Variants in MAGT1 observed in about 807,000 individuals in gnomAD.
MAGT1 encodes dolichyl-diphosphooligosaccharide--protein glycosyltransferase subunit MAGT1.
MAGT1 carries 4 observed loss-of-function variants against 28.4 expected under a neutral mutation model. The ratio of observed to expected loss-of-function variants is 0.14; its 90% CI spans 0.07 to 0.32. MAGT1 has a LOEUF of 0.32. MAGT1 is among the 10% of genes least tolerant of loss of function. MAGT1 has a pLI of 1.00. For missense variants in MAGT1, 193 were observed against 264.5 expected, an observed-to-expected ratio of 0.73 and a Z score of 1.88; for synonymous variants, 89 against 89.7, an observed-to-expected ratio of 0.99 and a Z score of 0.04.
At chrX:77,884,811 G>A (rs1313680601) in intron 1 of MAGT1, among the ~76,000 whole-genome samples, 6 of 108,341 alleles carry the variant, frequency 5.5e-5, no homozygotes, top group Non-Finnish European at 7.6e-5. Context: ...AAGGCCGGGC[G>A]CAGTGGCTCA....
intron 6 of MAGT1, among the ~76,000 whole-genome samples, chrX:77,855,028 G>A (rs146580009): frequency 0.017 from 1,896 of 111,633 alleles, 44 homozygotes; most frequent in African/African-American, 0.059. Flanking sequence ...CACTGCGGCC[G>A]GGTGCGGTGG....
At chrX:77,830,755 T>C (rs782816544) in intron 9 of MAGT1, 50 bp downstream of exon 9, 1 of 686,636 alleles carries the variant, frequency 1.5e-6, no homozygotes, top group Non-Finnish European at 2.2e-6. Flanking sequence ...TCAACTCTAA[T>C]CATTCCAGGT....
intron 1 of MAGT1, among the ~76,000 whole-genome samples, chrX:77,893,141 C>T (rs2077088483): frequency 9.0e-6 from 1 of 111,613 alleles, no homozygotes; most frequent in Non-Finnish European, 1.9e-5. Flanking sequence ...GTGTAAGAGG[C>T]CCTGTCTCCA....
In MAGT1 at chrX:77,830,760, C is replaced by T. The variant is rs184963094; in HGVS notation, c.992+45G>A. The T allele has an allele frequency of 0.015, 10,765 of 711,725 alleles. 86 individuals are homozygous for T. Among genetic ancestry groups the T allele is most frequent in the Non-Finnish European group, 0.019 (9,052 of 475,556 alleles). 58.7% of individuals were successfully genotyped at this position (711,725 alleles called of 1,213,427 possible). A position where few individuals can be genotyped will look rare whatever the true frequency, so the allele number is the denominator to read the frequency against. The stretch of plus-strand genomic sequence containing the variant: ...TAAAGCAATATCAACTCTAATCATT[C>T]CAGGTATTGGTAATCACTGTATAAA... On this transcript the variant is annotated intron_variant, in intron 9 of 9. Coordinates refer to ENST00000618282, the MANE Select transcript of MAGT1 (RefSeq NM_001367916.1).
intron 3 of MAGT1, among the ~76,000 whole-genome samples, chrX:77,858,672 T>G (rs1484473669): frequency 9.0e-6 from 1 of 111,672 alleles, no homozygotes. Context: ...ATTAATGAAT[T>G]AATAGATTAC....
intron 7 of MAGT1, among the ~76,000 whole-genome samples, chrX:77,853,237 A>G (rs1557215688): frequency 8.9e-6 from 1 of 112,218 alleles, no homozygotes; most frequent in Non-Finnish European, 1.9e-5. Context: ...CACACACTTC[A>G]GCTGTAAAAT....
At chrX:77,833,872 T>C (rs2076905604) in intron 8 of MAGT1, among the ~76,000 whole-genome samples, 1 of 111,296 alleles carries the variant, frequency 9.0e-6, no homozygotes, top group Non-Finnish European at 1.9e-5. Flanking sequence ...ATTACTTGAC[T>C]TCAAATTATA....
At chrX:77,835,834 C>T (rs1443094219) in intron 8 of MAGT1, among the ~76,000 whole-genome samples, 61 of 110,980 alleles carry the variant, frequency 5.5e-4, no homozygotes, top group Non-Finnish European at 3.4e-4. Flanking sequence ...GATGGAGTCT[C>T]GCTCTGTCAC....
At chrX:77,874,595 C>CA (rs35731315) in intron 2 of MAGT1, among the ~76,000 whole-genome samples, 5,642 of 56,910 alleles carry the variant, frequency 0.099, 177 homozygotes, top group Middle Eastern at 0.15. Context: ...GACTTTGTTT[C>CA]AAAAAAAAAA....
At chrX:77,845,455 T>C (rs782175621) in intron 7 of MAGT1, among the ~76,000 whole-genome samples, 1 of 111,790 alleles carries the variant, frequency 8.9e-6, no homozygotes, top group African/African-American at 3.2e-5. Context: ...AGGTTAATAT[T>C]GTTATGTGTG....
chrX:77,871,122 C>T (rs1458434676), intron 2 of MAGT1, among the ~76,000 whole-genome samples, 197 bp from the exon 3 acceptor site: 1 of 111,794 alleles, frequency 8.9e-6, no homozygotes, highest in Non-Finnish European at 1.9e-5. Context: ...GAAGCCTTAT[C>T]CCAAGTTAGG....
intron 3 of MAGT1, among the ~76,000 whole-genome samples, chrX:77,868,838 T>G (rs1557217088): frequency 9.0e-6 from 1 of 110,552 alleles, no homozygotes; most frequent in African/African-American, 3.3e-5. Context: ...AAAAAATAGT[T>G]GTGAGAGGTC....
At chrX:77,841,109 A>G in intron 8 of MAGT1, 137 bp downstream of exon 8, 1 of 443,288 alleles carries the variant, frequency 2.3e-6, no homozygotes, top group Non-Finnish European at 3.9e-6. Context: ...TTAATAACAG[A>G]TATGACATTT....
At chrX:77,884,975 T>C (rs2077063294) in intron 1 of MAGT1, among the ~76,000 whole-genome samples, 1 of 103,352 alleles carries the variant, frequency 9.7e-6, no homozygotes, top group African/African-American at 3.6e-5. Context: ...GGCAGGAGAA[T>C]GGCGTGAACC....
chrX:77,841,395 G>A, intron 7 of MAGT1, 75 bp from the exon 8 acceptor site: 1 of 738,972 alleles, frequency 1.4e-6, no homozygotes, highest in Non-Finnish European at 2.1e-6. Flanking sequence ...AGTTTCTCAT[G>A]AAGAAAATTA....
chrX:77,833,619 T>C (rs186368355), intron 8 of MAGT1, among the ~76,000 whole-genome samples: 1 of 111,838 alleles, frequency 8.9e-6, no homozygotes, highest in African/African-American at 3.2e-5. Context: ...TATAAAACAC[T>C]GCTGAAAGAA....
intron 8 of MAGT1, among the ~76,000 whole-genome samples, chrX:77,839,314 A>ACAC: frequency 9.5e-6 from 1 of 104,881 alleles, no homozygotes; most frequent in Non-Finnish European, 2.0e-5. Flanking sequence ...AACAACAACA[A>ACAC]CAACAACAAA....
At position 77,872,943 on chromosome X, in the gene MAGT1, T is replaced by C. The variant is rs560111655; in HGVS notation, c.273-2018A>G. 9.8e-5 allele frequency among the ~76,000 whole-genome samples: 11 copies of C among 111,851 alleles called. No homozygotes were observed. The South Asian group carries it at 4.0e-3, about 41-fold the overall frequency. The stretch of plus-strand genomic sequence containing the variant: ...TATTTGTTGAATGAGTGTAGAAAAA[T>C]TTGAGTTAATATTAAATTTGGTCTC... On this transcript the variant is annotated intron_variant, in intron 2 of 9. Coordinates refer to ENST00000618282, the MANE Select transcript of MAGT1 (RefSeq NM_001367916.1).
chrX:77,849,895 C>CAAA (rs1247445316), intron 7 of MAGT1, among the ~76,000 whole-genome samples: 1 of 50,841 alleles, frequency 2.0e-5, no homozygotes. Context: ...AACAAAAAAC[C>CAAA]AAAAAAAAAA....
Sources: allele counts gnomAD v4.1 joint callset (sites outside exome capture counted in the v4.1 genomes callset), GRCh38; gene constraint gnomAD v4.1.1; transcripts MANE v1.5; gene names NCBI Gene and HGNC (gene_info 2026-07-23, HGNC 2026-07-21).